Variants in DNAJB12 observed in about 807,000 individuals in gnomAD.
DNAJB12 encodes the protein dnaJ homolog subfamily B member 12.
Under a neutral mutation model 40.6 loss-of-function variants are expected in DNAJB12, and 14 were observed. The ratio of observed to expected loss-of-function variants is 0.34; its 90% CI spans 0.23 to 0.54. The LOEUF (loss-of-function observed/expected upper bound fraction) is 0.54, where lower values mean the gene tolerates loss of function less well. Ranked by LOEUF, DNAJB12 falls within the 20% of genes least tolerant of loss-of-function variation. DNAJB12 has a pLI of 0.92. For missense variants in DNAJB12, 444 were observed against 501.7 expected (o/e 0.89, Z 1.10); for synonymous variants, 181 against 199.5 (o/e 0.91, Z 0.78).
chr10:72,340,716 C>T, intron 5 of DNAJB12, 73 bp downstream of exon 5: 1 of 1,464,888 alleles, frequency 6.8e-7, no homozygotes, highest in Non-Finnish European at 9.4e-7. Context: ...GAGGGAACAC[C>T]CTCCTCCAAG....
At chr10:72,347,076 C>T (rs1269207707) in intron 1 of DNAJB12, among the ~76,000 whole-genome samples, 1 of 151,954 alleles carries the variant, frequency 6.6e-6, no homozygotes, top group Non-Finnish European at 1.5e-5. Context: ...GCGATTCTCC[C>T]GCCTCAGCCT....
chr10:72,335,971 C>A lies in DNAJB12; in HGVS notation c.1007-40G>T. 6.2e-7 allele frequency: 1 copy of A among 1,608,950 alleles called. No individual in the cohort carries two copies. On this transcript the variant is annotated intron_variant, in intron 7 of 8. Coordinates refer to ENST00000444643, the MANE Select transcript of DNAJB12 (RefSeq NM_017626.7). The surrounding 1 kb of genome is among the most constrained non-coding windows in gnomAD (Gnocchi z 4.4). The stretch of plus-strand genomic sequence containing the variant: ...GACAGGGTTAGTGCACACCCAGTAC[C>A]TCCCGAAGCCTGCAAGGAAGCCTGC...
At chr10:72,339,027 A>C in intron 5 of DNAJB12, among the ~76,000 whole-genome samples, 1 of 148,952 alleles carries the variant, frequency 6.7e-6, no homozygotes, top group East Asian at 2.0e-4. Context: ...TGGGAGGCTG[A>C]GGCAGGAGGA....
chr10:72,337,806 G>A (rs1267780276), intron 6 of DNAJB12, among the ~76,000 whole-genome samples: 3 of 151,560 alleles, frequency 2.0e-5, no homozygotes. Context: ...AGGGTTGGCA[G>A]GGGAGATGGG....
intron 1 of DNAJB12, among the ~76,000 whole-genome samples, chr10:72,353,158 C>T (rs1861976143): frequency 1.3e-5 from 2 of 152,350 alleles, no homozygotes; most frequent in South Asian, 4.1e-4. Context: ...CCTTCAAGCT[C>T]CTGAACTGGT....
At chr10:72,354,109 G>A (rs560044790) in intron 1 of DNAJB12, 1 of 152,466 alleles carries the variant, frequency 6.6e-6, no homozygotes, top group South Asian at 2.1e-4. Context: ...ATGGAGGACT[G>A]GCGGTGGCTG....
In DNAJB12 at chr10:72,335,080, C is replaced by T; in HGVS notation, c.*31-463G>A. On this transcript the variant is annotated intron_variant, in intron 8 of 8. Transcript: ENST00000444643. This position sits in a 1 kb window ranked among gnomAD's most constrained non-coding sequence, Gnocchi z 4.4. ...GAACTCATGACCTTCTGTTCCCTTC[C>T]TCAGACCGCAGGCGAGATGCCTGGG... 1 of 994,112 alleles carries T rather than the reference C, an allele frequency of 1.0e-6. No individual in the cohort carries two copies. The highest frequency in any genetic ancestry group is 1.2e-6 in the Non-Finnish European group (1 of 835,212). The allele number at this position is 994,112 out of a possible 1,614,324, so 61.6% of individuals were successfully genotyped here. A position where few individuals can be genotyped will look rare whatever the true frequency, so the allele number is the denominator to read the frequency against.
intron 1 of DNAJB12, 43 bp from the exon 2 acceptor site, chr10:72,345,170 G>A (rs1861752022): frequency 1.3e-6 from 2 of 1,556,720 alleles, no homozygotes; most frequent in African/African-American, 2.7e-5. Flanking sequence ...TGCTCAAGCA[G>A]GCTGCGTGCC....
At chr10:72,342,749 C>G (rs1861673993) in intron 3 of DNAJB12, among the ~76,000 whole-genome samples, 1 of 152,206 alleles carries the variant, frequency 6.6e-6, no homozygotes, top group African/African-American at 2.4e-5. Context: ...TTGCAGTGCA[C>G]AGAGTCAGTA....
chr10:72,334,972 G>T, intron 8 of DNAJB12: 2 of 1,126,552 alleles, frequency 1.8e-6, no homozygotes, highest in Non-Finnish European at 2.2e-6. Flanking sequence ...CCCATTCGCC[G>T]GGCTGCAGAA....
At chr10:72,341,220 G>A (rs1235126044) in intron 3 of DNAJB12, 50 bp from the exon 4 acceptor site, 6 of 1,558,876 alleles carry the variant, frequency 3.8e-6, no homozygotes, top group African/African-American at 1.4e-5. Flanking sequence ...GGTGCGGGGG[G>A]AGGCTCCCAT....
chr10:72,340,328 G>A (rs1222479219), intron 5 of DNAJB12, among the ~76,000 whole-genome samples: 1 of 151,716 alleles, frequency 6.6e-6, no homozygotes, highest in Non-Finnish European at 1.5e-5. Context: ...GGGCGAGAGA[G>A]CAAGACTCCA....
At chr10:72,346,330 A>ATT (rs965588361) in intron 1 of DNAJB12, among the ~76,000 whole-genome samples, 1 of 133,882 alleles carries the variant, frequency 7.5e-6, no homozygotes. Context: ...CGCCTGGCTA[A>ATT]TTTTTTTTTT....
At chr10:72,348,162 C>T (rs557716244) in intron 1 of DNAJB12, among the ~76,000 whole-genome samples, 31 of 152,088 alleles carry the variant, frequency 2.0e-4, no homozygotes, top group Non-Finnish European at 4.0e-4. Context: ...GCAGAGGTTG[C>T]AGTGAACTGA....
chr10:72,344,729 G>A (rs923959222), intron 2 of DNAJB12, among the ~76,000 whole-genome samples: 5 of 152,214 alleles, frequency 3.3e-5, no homozygotes, highest in Admixed American at 6.5e-5. Flanking sequence ...GGGTCGTGGC[G>A]GGAGGGGTGG....
rs770405905 is a variant in DNAJB12, at chr10:72,343,384, C to T, written c.439G>A (p.Ala147Thr). ...GGCTTACCTTTGAAGGCTTCAGTGGCACCAGGTGCGTGGTTCTTGTCTGGG... is the reference window on the plus strand; with the variant it reads ...GGCTTACCTTTGAAGGCTTCAGTGGTACCAGGTGCGTGGTTCTTGTCTGGG... ...FHPDKNHAPG[A>T]TEAFKAIGTA... Residue 147 changes from alanine (A) to threonine (T), a missense_variant, in exon 3 of 9, where the codon GCC becomes ACC. Physicochemically the swap from Ala to Thr is moderately conservative, Grantham distance 58. Transcript: ENST00000444643. The T allele has an allele frequency of 6.2e-7, 1 of 1,613,656 alleles. No homozygotes were observed. The highest frequency in any genetic ancestry group is 1.3e-5 in the African/African-American group (1 of 75,044).
intron 1 of DNAJB12, among the ~76,000 whole-genome samples, chr10:72,347,814 G>A (rs1300935520): frequency 6.6e-6 from 1 of 152,074 alleles, no homozygotes; most frequent in African/African-American, 2.4e-5. Flanking sequence ...TAGGGAGGCT[G>A]AGGCAGCAGG....
In DNAJB12 at chr10:72,341,082, C is replaced by T. The variant is rs777664658; in HGVS notation, c.546G>A (p.Arg182=). The change falls in exon 4 of 9, where the codon CGG becomes CGA. Residue 182 remains arginine (R), a synonymous_variant. Transcript: ENST00000444643. ...GGAAATCCCCATGCCCATGGCCGTG[C>T]CGGGCCGCCTGGCTCTTGTCATCGC... ...QFGDDKSQAA[R]HGHGHGDFHR... is the part of the protein sequence containing the mutation. 3.1e-6 allele frequency: 5 copies of T among 1,614,072 alleles called. No individual in the cohort carries two copies. The highest frequency in any genetic ancestry group is 4.2e-6 in the Non-Finnish European group (5 of 1,180,044).
intron 8 of DNAJB12, chr10:72,334,902 T>A (rs909753886): frequency 4.8e-6 from 6 of 1,260,100 alleles, no homozygotes; most frequent in Non-Finnish European, 2.0e-6. Flanking sequence ...CTGCCCACAC[T>A]TCTCTGGGCT....
Sources: allele counts gnomAD v4.1 joint callset (sites outside exome capture counted in the v4.1 genomes callset), GRCh38; gene constraint gnomAD v4.1.1; non-coding constraint Gnocchi (gnomAD v3.1); transcripts MANE v1.5; gene names NCBI Gene and HGNC (gene_info 2026-07-23, HGNC 2026-07-21).